The following ZNF385D variants were observed in gnomAD, a reference collection of about 807,000 sequenced individuals.
The protein encoded by ZNF385D is zinc finger protein 659.
A neutral mutation model predicts 35.8 loss-of-function variants in ZNF385D; 15 were observed. The observed-to-expected ratio is 0.42, with a 90% confidence interval of 0.28 to 0.64. ZNF385D has a LOEUF of 0.64. Among genes scored for constraint, ZNF385D ranks in the 30% least tolerant of loss-of-function variants. ZNF385D has a pLI of 0.23. For synonymous variants in ZNF385D, 212 were observed against 186.8 expected, an observed-to-expected ratio of 1.13 and a Z score of -1.10; for missense variants, 474 against 494.6, an observed-to-expected ratio of 0.96 and a Z score of 0.39.
chr3:22,036,637 A>G lies in ZNF385D; in HGVS notation c.325+132180T>C, dbSNP rs374223015. ...TGGTTGCTTACAAATTGCAAAAACA[A>G]GCAAAGAGCACCTTCTACCATAAAA... On this transcript the variant is annotated intron_variant, in intron 3 of 5. Coordinates refer to the ZNF385D transcript ENST00000494108. Among the ~76,000 whole-genome samples, 7 of 152,212 alleles carry G rather than the reference A, an allele frequency of 4.6e-5. 1 individual carries two copies. The highest frequency in any genetic ancestry group is 1.5e-5 in the Non-Finnish European group (1 of 67,996).
At chr3:21,915,230 G>T (rs978475700) in intron 3 of ZNF385D, among the ~76,000 whole-genome samples, 4 of 152,112 alleles carry the variant, frequency 2.6e-5, no homozygotes, top group African/African-American at 9.6e-5. Flanking sequence ...CAGAAAAAGA[G>T]CTTATATTTC....
chr3:21,787,282 T>G (rs2071727914), intron 3 of ZNF385D, among the ~76,000 whole-genome samples: 1 of 152,086 alleles, frequency 6.6e-6, no homozygotes, highest in South Asian at 2.1e-4. Context: ...AGAGCATACC[T>G]CCTTCCCCTC....
At chr3:22,013,299 A>G (rs532372103) in intron 3 of ZNF385D, among the ~76,000 whole-genome samples, 3 of 152,332 alleles carry the variant, frequency 2.0e-5, no homozygotes, top group East Asian at 3.9e-4. Context: ...CATAGTATAT[A>G]TATAAATTCT....
At chr3:21,872,824 T>C (rs1327463151) in intron 3 of ZNF385D, among the ~76,000 whole-genome samples, 2 of 152,124 alleles carry the variant, frequency 1.3e-5, no homozygotes, top group Admixed American at 6.6e-5. Flanking sequence ...AAAGATGTAA[T>C]TGTATACATA....
At chr3:22,205,381 A>G (rs1381523116) in intron 2 of ZNF385D, among the ~76,000 whole-genome samples, 1 of 151,698 alleles carries the variant, frequency 6.6e-6, no homozygotes, top group Non-Finnish European at 1.5e-5. Context: ...AAGTTCTACA[A>G]TCTTAAAGAA....
intron 3 of ZNF385D, among the ~76,000 whole-genome samples, chr3:21,819,640 T>G (rs932874554): frequency 7.7e-5 from 8 of 103,696 alleles, no homozygotes; most frequent in African/African-American, 3.4e-4. Flanking sequence ...TAATTATATA[T>G]TCTATATTAT....
chr3:21,534,892 A>G (rs1477523904), intron 3 of ZNF385D, among the ~76,000 whole-genome samples: 3 of 152,092 alleles, frequency 2.0e-5, no homozygotes, highest in Non-Finnish European at 2.9e-5. Context: ...AGTCTATGGA[A>G]AGAAAGTCCA....
At chr3:22,247,619 A>G (rs111969730) in intron 2 of ZNF385D, among the ~76,000 whole-genome samples, 43 of 150,956 alleles carry the variant, frequency 2.8e-4, no homozygotes, top group African/African-American at 1.0e-3. Context: ...TTACAATTTT[A>G]TTTATTTATT....
chr3:21,968,505 T>C (rs547980276), intron 3 of ZNF385D, among the ~76,000 whole-genome samples: 1 of 143,320 alleles, frequency 7.0e-6, no homozygotes, highest in African/African-American at 2.7e-5. Context: ...TAGAGCCTCA[T>C]TCCTTCTGTC....
At chr3:21,647,670 AAT>A (rs2065793212) in intron 2 of ZNF385D, among the ~76,000 whole-genome samples, 1 of 152,138 alleles carries the variant, frequency 6.6e-6, no homozygotes, top group Non-Finnish European at 1.5e-5. Context: ...GTAGTGGTAA[AAT>A]ATGTTTCTCC....
chr3:21,825,872 G>T (rs996350080), intron 3 of ZNF385D, among the ~76,000 whole-genome samples: 3 of 152,172 alleles, frequency 2.0e-5, no homozygotes, highest in African/African-American at 7.2e-5. Flanking sequence ...GAAAGCCAAA[G>T]GTTACGGCCT....
intron 3 of ZNF385D, among the ~76,000 whole-genome samples, chr3:22,157,921 G>T (rs1006819066): frequency 6.6e-6 from 1 of 152,052 alleles, no homozygotes; most frequent in African/African-American, 2.4e-5. Flanking sequence ...ACCTTAACTG[G>T]AATAGAGTCT....
intron 3 of ZNF385D, among the ~76,000 whole-genome samples, chr3:22,035,941 C>T (rs1397887676): frequency 4.8e-5 from 7 of 145,442 alleles, no homozygotes; most frequent in Non-Finnish European, 1.5e-5. Flanking sequence ...GTTTTTTTTT[C>T]CAAGATAAAA....
intron 2 of ZNF385D, among the ~76,000 whole-genome samples, chr3:21,658,681 TA>T (rs2125241547): frequency 6.6e-6 from 1 of 152,172 alleles, no homozygotes; most frequent in African/African-American, 2.4e-5. Flanking sequence ...GTTACCTTAA[TA>T]AAAAATATGC....
At chr3:22,310,398 ATC>A (rs1287070557) in intron 2 of ZNF385D, among the ~76,000 whole-genome samples, 1 of 151,956 alleles carries the variant, frequency 6.6e-6, no homozygotes, top group African/African-American at 2.4e-5. Context: ...CATAACTAAA[ATC>A]TCTGATAACA....
chr3:21,432,723 T>C (rs922484126), intron 5 of ZNF385D, among the ~76,000 whole-genome samples: 1 of 151,950 alleles, frequency 6.6e-6, no homozygotes, highest in Non-Finnish European at 1.5e-5. Flanking sequence ...CTTAAGGTGT[T>C]TAAAAAATTC....
intron 3 of ZNF385D, among the ~76,000 whole-genome samples, chr3:22,132,095 T>C (rs965922389): frequency 2.0e-5 from 3 of 152,166 alleles, no homozygotes; most frequent in African/African-American, 7.2e-5. Context: ...AAAGAAGTGA[T>C]TATAGTGGTG....
chr3:22,109,158 C>T (rs1036404297), intron 3 of ZNF385D, among the ~76,000 whole-genome samples: 1 of 152,172 alleles, frequency 6.6e-6, no homozygotes, highest in Admixed American at 6.5e-5. Flanking sequence ...TCTGCTCCTT[C>T]AAGCTGCAGA....
At chr3:22,015,206 A>G (rs992141667) in intron 3 of ZNF385D, among the ~76,000 whole-genome samples, 3 of 152,168 alleles carry the variant, frequency 2.0e-5, no homozygotes, top group African/African-American at 7.2e-5. Context: ...AGCATTAAAC[A>G]TGATGTCAGC....
Sources: gnomAD v4.1 joint callset for allele counts (sites outside exome capture counted in the v4.1 genomes callset) on GRCh38, gnomAD v4.1.1 for gene constraint, MANE v1.5 for transcripts, NCBI Gene and HGNC (gene_info 2026-07-23, HGNC 2026-07-21) for gene names.